The following APP variants were observed in gnomAD, a reference collection of about 807,000 sequenced individuals.
APP encodes amyloid beta precursor protein.
In APP, 31 loss-of-function variants were observed where a neutral mutation model predicts 101.4. The observed-to-expected ratio is 0.31, with a 90% CI of 0.23 to 0.41. The LOEUF (loss-of-function observed/expected upper bound fraction) is 0.41. APP is among the 10% of genes least tolerant of loss of function. The probability of loss-of-function intolerance (pLI) is 1.00; values close to 1 mark genes in which losing one functional copy is unlikely to be tolerated. For missense variants in APP, 839 were observed against 1,003.7 expected (o/e 0.84, Z 2.22); for synonymous variants, 366 against 364.4 (o/e 1.00, Z -0.05).
chr21:26,032,236 T>C (rs2044862282), intron 5 of APP, among the ~76,000 whole-genome samples: 1 of 152,176 alleles, frequency 6.6e-6, no homozygotes, highest in African/African-American at 2.4e-5. Context: ...GTATCTGTGG[T>C]TGGTTGGCAT....
chr21:26,159,299 TG>T (rs749432881), intron 1 of APP, among the ~76,000 whole-genome samples: 7 of 152,312 alleles, frequency 4.6e-5, no homozygotes, highest in African/African-American at 1.2e-4. Context: ...CAGGATGGAC[TG>T]GATCTCCTGA....
rs201291569 is a variant in APP at position 25,954,569 on chromosome 21, T to C, written c.1687+21A>G. ...GGAAAATACATGTCCATGTGCAGCATCAAAAGAACAGCTTACTTACCAACT... is the reference window on the plus strand; with the variant it reads ...GGAAAATACATGTCCATGTGCAGCACCAAAAGAACAGCTTACTTACCAACT... On this transcript the variant is annotated intron_variant, in intron 13 of 17. Transcript: ENST00000346798. 41 of 1,590,584 alleles carry C rather than the reference T, an allele frequency of 2.6e-5. 1 individual carries two copies. Among genetic ancestry groups the C allele is most frequent in the Middle Eastern group, 3.3e-4 (2 of 6,052 alleles).
chr21:26,104,939 A>G (rs943759230), intron 2 of APP, among the ~76,000 whole-genome samples: 105 of 152,238 alleles, frequency 6.9e-4, no homozygotes, highest in Non-Finnish European at 9.6e-4. Context: ...TCTCTAAAAT[A>G]TTTTGGTCAT....
intron 6 of APP, chr21:26,009,595 C>CTTTTCT (rs1555844613): frequency 7.0e-6 from 1 of 142,322 alleles, no homozygotes; most frequent in Non-Finnish European, 1.5e-5. Context: ...CTTTTCTTTT[C>CTTTTCT]TTTTTTTTTT....
intron 16 of APP, among the ~76,000 whole-genome samples, chr21:25,894,746 C>CAAAGG (rs1739626087): frequency 6.6e-6 from 1 of 152,186 alleles, no homozygotes; most frequent in Non-Finnish European, 1.5e-5. Flanking sequence ...GAAATGACAA[C>CAAAGG]AAAGGATTTA....
chr21:25,898,452 A>G (rs1426530355), intron 15 of APP, among the ~76,000 whole-genome samples: 1 of 152,260 alleles, frequency 6.6e-6, no homozygotes, highest in East Asian at 1.9e-4. Flanking sequence ...TAAGTAAAAA[A>G]TGTAAATGTC....
At chr21:26,002,529 G>A (rs532524901) in intron 6 of APP, among the ~76,000 whole-genome samples, 3 of 152,262 alleles carry the variant, frequency 2.0e-5, no homozygotes, top group South Asian at 4.1e-4. Flanking sequence ...GCTCTTTAAC[G>A]TTTCTAAGAC....
At chr21:26,090,494 G>A (rs1212607526) in intron 2 of APP, among the ~76,000 whole-genome samples, 1 of 147,516 alleles carries the variant, frequency 6.8e-6, no homozygotes, top group Non-Finnish European at 1.5e-5. Flanking sequence ...CAAGCATCTA[G>A]CTATTCCATT....
rs757264249 is a variant in APP at position 26,111,992 on chromosome 21, T to C, written c.212A>G (p.Gln71Arg). Residue 71 changes from glutamine (Q) to arginine (R), a missense_variant, in exon 2 of 18, where the codon CAG (glutamine) becomes CGG (arginine). Physicochemically the swap from Gln to Arg is conservative, Grantham distance 43. Coordinates refer to ENST00000346798, the MANE Select transcript of APP (RefSeq NM_000484.4). Reference protein sequence around the residue: ...TCIDTKEGILQYCQEVYPELQ... With the variant: ...TCIDTKEGILRYCQEVYPELQ... The stretch of plus-strand genomic sequence containing the variant: ...GACAGGACTTACTTCTTGGCAATAC[T>C]GCAGGATGCCTTCCTTGGTATCAAT... 1.9e-6 allele frequency: 3 copies of C among 1,613,966 alleles called. No individual in the cohort carries two copies. The highest frequency in any genetic ancestry group is 4.5e-5 in the East Asian group (2 of 44,880).
At chr21:25,990,533 C>T (rs1272181092) in intron 8 of APP, among the ~76,000 whole-genome samples, 1 of 152,106 alleles carries the variant, frequency 6.6e-6, no homozygotes, top group African/African-American at 2.4e-5. Context: ...TTAATGGAGG[C>T]ACATAAAGAA....
At position 26,049,324 on chromosome 21, in the gene APP, T is replaced by C. The variant is rs115678029; in HGVS notation, c.662+1676A>G. Among the ~76,000 whole-genome samples, 637 of 152,282 alleles carry C rather than the reference T, an allele frequency of 4.2e-3. 7 individuals are homozygous for C. Among genetic ancestry groups the C allele is most frequent in the African/African-American group, 0.013 (551 of 41,540 alleles). The stretch of plus-strand genomic sequence containing the variant: ...TGCTGAAGTACAGGAGAAAATTCAA[T>C]GGTTTATTCAACAAACACGTACTGG... On this transcript the variant is annotated intron_variant, in intron 5 of 17. Coordinates refer to ENST00000346798, the MANE Select transcript of APP (RefSeq NM_000484.4).
At chr21:25,967,500 G>C (rs1019586332) in intron 11 of APP, among the ~76,000 whole-genome samples, 3 of 152,224 alleles carry the variant, frequency 2.0e-5, no homozygotes, top group Admixed American at 2.0e-4. Flanking sequence ...AGCTTTGGCT[G>C]TGTATCCCTT....
At chr21:26,115,109 A>T (rs1252966617) in intron 1 of APP, among the ~76,000 whole-genome samples, 1 of 152,230 alleles carries the variant, frequency 6.6e-6, no homozygotes, top group Non-Finnish European at 1.5e-5. Context: ...TTAAAAATAA[A>T]TGTTTGGAGA....
chr21:26,032,557 T>C (rs1185337130), intron 5 of APP, among the ~76,000 whole-genome samples: 3 of 152,122 alleles, frequency 2.0e-5, no homozygotes, highest in South Asian at 2.1e-4. Flanking sequence ...ATCTTTAACA[T>C]GGGATGGAAA....
intron 2 of APP, among the ~76,000 whole-genome samples, chr21:26,104,852 G>A (rs1180640670): frequency 3.9e-5 from 6 of 151,962 alleles, no homozygotes; most frequent in African/African-American, 1.4e-4. Context: ...ACGACGTGAC[G>A]GTGATGAGTT....
At chr21:25,903,081 G>T (rs2038592306) in intron 15 of APP, among the ~76,000 whole-genome samples, 1 of 29,038 alleles carries the variant, frequency 3.4e-5, no homozygotes, top group Non-Finnish European at 6.3e-5. Flanking sequence ...TTTTTTAAAA[G>T]AATAGGCCGG....
intron 1 of APP, among the ~76,000 whole-genome samples, chr21:26,163,730 GCTT>G (rs1480401783): frequency 1.3e-5 from 2 of 152,108 alleles, no homozygotes; most frequent in African/African-American, 4.8e-5. Flanking sequence ...TTGGGACTCT[GCTT>G]CTTGATTTTT....
intron 1 of APP, among the ~76,000 whole-genome samples, chr21:26,146,816 A>T (rs2063164824): frequency 6.6e-6 from 1 of 152,226 alleles, no homozygotes; most frequent in Non-Finnish European, 1.5e-5. Flanking sequence ...TTCATGGAAT[A>T]AAAAAGTTTG....
chr21:26,005,964 T>C (rs1356428038), intron 6 of APP, among the ~76,000 whole-genome samples: 4 of 152,158 alleles, frequency 2.6e-5, no homozygotes, highest in African/African-American at 9.7e-5. Flanking sequence ...AAAAATAAAG[T>C]TGAAAAGAAA....
Sources: allele counts gnomAD v4.1 joint callset (sites outside exome capture counted in the v4.1 genomes callset), GRCh38; gene constraint gnomAD v4.1.1; transcripts MANE v1.5; gene names NCBI Gene and HGNC (gene_info 2026-07-23, HGNC 2026-07-21).